Variants in NLGN2 observed in about 807,000 individuals in gnomAD.
NLGN2 encodes neuroligin-2.
A neutral mutation model predicts 48.6 loss-of-function variants in NLGN2; 11 were observed. That is an observed-to-expected ratio of 0.23 (90% CI 0.14 to 0.37). The LOEUF (loss-of-function observed/expected upper bound fraction) is 0.37, where lower values mean the gene tolerates loss of function less well. Ranked by LOEUF, NLGN2 falls within the 10% of genes least tolerant of loss-of-function variation. The probability of loss-of-function intolerance (pLI) is 1.00; values close to 1 mark genes in which losing one functional copy is unlikely to be tolerated. For synonymous variants in NLGN2, 548 were observed against 550.0 expected, an observed-to-expected ratio of 1.00 and a Z score of 0.05; for missense variants, 801 against 1,225.2, an observed-to-expected ratio of 0.65 and a Z score of 5.17.
At position 7,417,693 on chromosome 17, in the gene NLGN2, C is replaced by T; in HGVS notation, c.2402C>T (p.Pro801Leu). The stretch of plus-strand genomic sequence containing the variant: ...AGTGGCCTGGGGCCACCGCCACCCC[C>T]ACCGCCCCCCTCCCTTCATCCCTTC... ...LPSGLGPPPP[P>L]PPPSLHPFGP... The change falls in exon 7 of 7, where the codon CCA becomes CTA. Residue 801 changes from proline to leucine, a missense_variant. Physicochemically the swap from Pro to Leu is moderately conservative, Grantham distance 98 (BLOSUM62 -3). Transcript: ENST00000302926. 1 of 1,337,328 alleles carries T rather than the reference C, an allele frequency of 7.5e-7. No homozygotes were observed. The highest frequency in any genetic ancestry group is 9.6e-7 in the Non-Finnish European group (1 of 1,040,994). The allele number at this position is 1,337,328 out of a possible 1,614,324, so 82.8% of individuals were successfully genotyped here. A position where few individuals can be genotyped will look rare whatever the true frequency, so the allele number is the denominator to read the frequency against.
chr17:7,412,295 C>CT (rs1906932098), intron 2 of NLGN2, 88 bp downstream of exon 2: 2 of 920,950 alleles, frequency 2.2e-6, no homozygotes, highest in Non-Finnish European at 3.6e-6. Context: ...CCACAGCCCT[C>CT]AAGGCCCCTC....
Position 7,417,540 on chromosome 17 carries a change from G to C in NLGN2, c.2249G>C (p.Gly750Ala), listed in dbSNP as rs1468792779. The C allele has an allele frequency of 2.0e-6, 3 of 1,476,676 alleles. No homozygotes were observed. The highest frequency in any genetic ancestry group is 2.9e-5 in the African/African-American group (2 of 69,840). The allele number at this position is 1,476,676 out of a possible 1,614,324, so 91.5% of individuals were successfully genotyped here. A position where few individuals can be genotyped will look rare whatever the true frequency, so the allele number is the denominator to read the frequency against. ...CTGGTGTCACTGCAGCTGAAGCGGGGTGGTGGCGTCGGGGCGGACCCTGCC... is the reference window on the plus strand; with the variant it reads ...CTGGTGTCACTGCAGCTGAAGCGGGCTGGTGGCGTCGGGGCGGACCCTGCC... Reference protein sequence around the residue: ...EELVSLQLKRGGGVGADPAEA... With the variant: ...EELVSLQLKRAGGVGADPAEA... Residue 750 changes from glycine to alanine, a missense_variant, in exon 7 of 7, where the codon GGT (glycine) becomes GCT (alanine). Gly to Ala is a moderately conservative substitution (Grantham distance 60). Transcript: ENST00000302926.
intron 1 of NLGN2, among the ~76,000 whole-genome samples, chr17:7,409,901 A>G (rs769957365): frequency 1.3e-5 from 2 of 152,120 alleles, no homozygotes; most frequent in Non-Finnish European, 2.9e-5. Context: ...ACTATGTACC[A>G]TGTCACCCAC....
chr17:7,415,517 C>T lies in NLGN2; in HGVS notation c.1044C>T (p.His348=), dbSNP rs746575200. 6.2e-7 allele frequency: 1 copy of T among 1,614,218 alleles called. No individual in the cohort carries two copies. The highest frequency in any genetic ancestry group is 8.5e-7 in the Non-Finnish European group (1 of 1,180,000). ...CCTGACCCCTTCTCCCCAGCTACCACATCGCCTTTGGGCCCGTGGTGGATG... is the reference window on the plus strand; with the variant it reads ...CCTGACCCCTTCTCCCCAGCTACCATATCGCCTTTGGGCCCGTGGTGGATG... ...VDQDVQPARY[H]IAFGPVVDGD... is the part of the protein sequence containing the mutation. Residue 348 remains histidine, a synonymous_variant, in exon 6 of 7, where the codon CAC becomes CAT. Coordinates refer to ENST00000302926, the MANE Select transcript of NLGN2 (RefSeq NM_020795.4).
chr17:7,414,797 G>A lies in NLGN2; in HGVS notation c.793G>A (p.Gly265Arg), dbSNP rs1011702700. 1 of 1,614,162 alleles carries A rather than the reference G, an allele frequency of 6.2e-7. No individual in the cohort carries two copies. Among genetic ancestry groups the A allele is most frequent in the Non-Finnish European group, 8.5e-7 (1 of 1,180,014 alleles). ...DPERITIFGS[G>R]AGASCVNLLI... Reference sequence around the variant, plus strand: ...CGAGCGTATCACCATCTTTGGTTCCGGGGCAGGGGCCTCCTGCGTCAACCT... The same window carrying A: ...CGAGCGTATCACCATCTTTGGTTCCAGGGCAGGGGCCTCCTGCGTCAACCT... The change falls in exon 4 of 7, where the codon GGG becomes AGG. Residue 265 changes from glycine to arginine, a missense_variant. Physicochemically the swap from Gly to Arg is moderately radical, Grantham distance 125. This residue lies in a region of NLGN2 where 303 missense variants were observed against 600.1 expected (regional missense o/e 0.50). Transcript: ENST00000302926.
Position 7,417,245 on chromosome 17 carries a change from G to A in NLGN2, c.1954G>A (p.Glu652Lys). 3.9e-6 allele frequency: 6 copies of A among 1,539,490 alleles called. No individual in the cohort carries two copies. The highest frequency in any genetic ancestry group is 1.8e-4 in the Middle Eastern group (1 of 5,686). Residue 652 changes from glutamate to lysine, a missense_variant, in exon 7 of 7, where the codon GAG (glutamate) becomes AAG (lysine). Around this residue, in one of 5 missense-constraint regions of NLGN2, gnomAD observed 276 missense variants for 313.9 expected, o/e 0.88. Transcript: ENST00000302926. ...CCCGCCGCCTGCCACCCTGCCTCCC[G>A]AGCCCGAGCCCGAGCCCGGCCCAAG... The part of the protein sequence containing the change: ...RPPPPATLPP[E>K]PEPEPGPRAY...
rs1479768270 is a variant in NLGN2, at chr17:7,411,392, C to A, written c.458-765C>A. The stretch of plus-strand genomic sequence containing the variant: ...TGGAGCGGAGGGCAAGACCTGATGA[C>A]CCCCTTCCCTGCTTTGCCCACACTG... On this transcript the variant is annotated intron_variant, in intron 1 of 6. Coordinates refer to ENST00000302926, the MANE Select transcript of NLGN2 (RefSeq NM_020795.4). This position sits in a 1 kb window ranked among gnomAD's most constrained non-coding sequence, Gnocchi z 4.5. Among the ~76,000 whole-genome samples the A allele has an allele frequency of 6.6e-6, 1 of 152,280 alleles. No individual in the cohort carries two copies. The highest frequency in any genetic ancestry group is 6.5e-5 in the Admixed American group (1 of 15,302).
upstream of NLGN2, among the ~76,000 whole-genome samples, chr17:7,406,687 T>C (rs35386490): frequency 0.13 from 18,629 of 147,770 alleles, 1,819 homozygotes; most frequent in Non-Finnish European, 0.21. Context: ...CCTGGGTGTC[T>C]GCCCCTCCGG....
chr17:7,415,856 G>C lies in NLGN2; in HGVS notation c.1383G>C (p.Val461=), dbSNP rs745738786. The change falls in exon 6 of 7, where the codon GTG becomes GTC. Residue 461 remains valine, a synonymous_variant. Coordinates refer to ENST00000302926, the MANE Select transcript of NLGN2 (RefSeq NM_020795.4). ...CGCTCTTTACTGACCACCAATGGGT[G>C]GCACCAGCTGTGGCCACTGCCAAGC... The part of the protein sequence containing the change: ...LLALFTDHQW[V]APAVATAKLH... The C allele has an allele frequency of 1.2e-6, 2 of 1,611,778 alleles. No individual in the cohort carries two copies. Among genetic ancestry groups the C allele is most frequent in the Admixed American group, 3.3e-5 (2 of 60,012 alleles).
intron 1 of NLGN2, among the ~76,000 whole-genome samples, chr17:7,409,390 C>T (rs530306600): frequency 2.6e-5 from 4 of 152,222 alleles, no homozygotes; most frequent in East Asian, 3.9e-4. Context: ...TCTTAATGAA[C>T]TCTTGTTCAC....
At position 7,413,147 on chromosome 17, in the gene NLGN2, A is replaced by C. The variant is rs1321448006; in HGVS notation, c.508+940A>C. Among the ~76,000 whole-genome samples, 1 of 152,174 alleles carries C rather than the reference A, an allele frequency of 6.6e-6. No individual in the cohort carries two copies. The highest frequency in any genetic ancestry group is 1.5e-5 in the Non-Finnish European group (1 of 68,024). On this transcript the variant is annotated intron_variant, in intron 2 of 6. Coordinates refer to ENST00000302926, the MANE Select transcript of NLGN2 (RefSeq NM_020795.4). The surrounding 1 kb of genome is among the most constrained non-coding windows in gnomAD (Gnocchi z 4.9). ...AAAGGAGAGGACAGGATTTGAGGAG[A>C]ACCCAGCGAGGGTGCTGCCCACATA...
chr17:7,414,858 G>T lies in NLGN2; in HGVS notation c.844+10G>T, dbSNP rs772329423. On this transcript the variant is annotated intron_variant, in intron 4 of 6. Transcript: ENST00000302926. ...TCCCACCATTCAGAAGGTACCAGCA[G>T]TGTCCCAGCCTGTTCCACCCTTCCC... 8.7e-6 allele frequency: 14 copies of T among 1,614,046 alleles called. No individual in the cohort carries two copies. The Admixed American group carries it at 2.2e-4, about 25-fold the overall frequency.
chr17:7,406,992 G>A (rs1254830044), upstream of NLGN2, among the ~76,000 whole-genome samples: 3 of 152,120 alleles, frequency 2.0e-5, no homozygotes. Flanking sequence ...GGTCACTAAG[G>A]CTAGGCTTTG....
rs1380467991 is a variant in NLGN2 at position 7,408,214 on chromosome 17, G to C, written c.-42G>C. ...TCCCCCCCTTCTCTCTCTCTCCGAGGGGGGGGGGTCCCAGGGAGGGAGGGG... is the reference window on the plus strand; with the variant it reads ...TCCCCCCCTTCTCTCTCTCTCCGAGCGGGGGGGGTCCCAGGGAGGGAGGGG... On this transcript the variant is annotated 5_prime_UTR_variant, in exon 1 of 7. Transcript: ENST00000302926. The surrounding 1 kb of genome is among the most constrained non-coding windows in gnomAD (Gnocchi z 7.5). 8.4e-6 allele frequency: 9 copies of C among 1,070,578 alleles called. No individual in the cohort carries two copies. Among genetic ancestry groups the C allele is most frequent in the Admixed American group, 4.4e-5 (1 of 22,984 alleles). 66.3% of individuals were successfully genotyped at this position (1,070,578 alleles called of 1,614,324 possible). A position where few individuals can be genotyped will look rare whatever the true frequency, so the allele number is the denominator to read the frequency against.
chr17:7,410,765 G>A (rs1162393073), intron 1 of NLGN2, among the ~76,000 whole-genome samples: 4 of 152,224 alleles, frequency 2.6e-5, no homozygotes, highest in Non-Finnish European at 5.9e-5. Context: ...ACATTCAGGT[G>A]ATCTCACTGA....
chr17:7,407,907 G>A lies in NLGN2; in HGVS notation c.-349G>A, dbSNP rs1597706279. The A allele has an allele frequency of 1.1e-5, 2 of 183,722 alleles. No individual in the cohort carries two copies. The highest frequency in any genetic ancestry group is 2.6e-4 in the East Asian group (2 of 7,602). 11.4% of individuals were successfully genotyped at this position (183,722 alleles called of 1,614,324 possible). On this transcript the variant is annotated 5_prime_UTR_variant, in exon 1 of 7. Coordinates refer to ENST00000302926, the MANE Select transcript of NLGN2 (RefSeq NM_020795.4). ...CTCTTCTGTTTCCCCATTCCTTTCT[G>A]TCTGCCCCATCCAATTTCCCTTGCC...
chr17:7,414,241 G>C, intron 2 of NLGN2, 103 bp from the exon 3 acceptor site: 1 of 1,071,248 alleles, frequency 9.3e-7, no homozygotes, highest in South Asian at 1.3e-5. Flanking sequence ...CTGAGCTCCA[G>C]GCCAGTCCTC....
chr17:7,409,321 G>A (rs190820337), intron 1 of NLGN2, among the ~76,000 whole-genome samples: 81 of 152,194 alleles, frequency 5.3e-4, no homozygotes, highest in African/African-American at 1.7e-3. Context: ...GATCAGGGAA[G>A]CTCCTTGCTG....
Position 7,417,791 on chromosome 17 carries a change from C to G in NLGN2, c.2500C>G (p.Arg834Gly). Reference sequence around the variant, plus strand: ...GCTACCCCACCCCCACTCCACCACTCGGGTATAGGGGGTGGGTGGGGAGGC... The same window carrying G: ...GCTACCCCACCCCCACTCCACCACTGGGGTATAGGGGGTGGGTGGGGAGGC... ...NTLPHPHSTT[R>G]V The change falls in exon 7 of 7, where the codon CGG becomes GGG. Residue 834 changes from arginine (R) to glycine (G), a missense_variant. Transcript: ENST00000302926. The G allele has an allele frequency of 1.4e-6, 2 of 1,395,242 alleles. No homozygotes were observed. Among genetic ancestry groups the G allele is most frequent in the Non-Finnish European group, 1.9e-6 (2 of 1,080,610 alleles). 86.4% of individuals were successfully genotyped at this position (1,395,242 alleles called of 1,614,324 possible).
Sources: allele counts gnomAD v4.1 joint callset (sites outside exome capture counted in the v4.1 genomes callset), GRCh38; gene constraint gnomAD v4.1.1; regional missense constraint gnomAD v4.1.1; non-coding constraint Gnocchi (gnomAD v3.1); transcripts MANE v1.5; gene names NCBI Gene and HGNC (gene_info 2026-07-23, HGNC 2026-07-21).